The following PRDM5 variants were observed in gnomAD, a reference collection of about 807,000 sequenced individuals.
PRDM5 encodes PR domain zinc finger protein 5.
PRDM5 carries 56 observed loss-of-function variants against 81.2 expected under a neutral mutation model. The ratio of observed to expected loss-of-function variants is 0.69; its 90% confidence interval spans 0.56 to 0.86. The LOEUF is 0.86. Ranked by LOEUF, PRDM5 falls within the 40% of genes least tolerant of loss-of-function variation. The pLI is 0.00. For synonymous variants in PRDM5, 267 were observed against 256.4 expected (o/e 1.04, Z -0.39); for missense variants, 697 against 770.1 (o/e 0.91, Z 1.12).
At chr4:120,822,169 T>C (rs1044518205) in intron 3 of PRDM5, among the ~76,000 whole-genome samples, 1 of 152,196 alleles carries the variant, frequency 6.6e-6, no homozygotes, top group Non-Finnish European at 1.5e-5. Flanking sequence ...ATGCTGGGCC[T>C]TGGGCCAATC....
chr4:120,799,826 G>A (rs1035017162), intron 8 of PRDM5, 81 bp from the exon 9 acceptor site: 9 of 1,553,704 alleles, frequency 5.8e-6, no homozygotes, highest in South Asian at 1.2e-5. Flanking sequence ...GTGTAAACAT[G>A]TGAACAGCTG....
chr4:120,852,296 T>C (rs1265928422), intron 3 of PRDM5, among the ~76,000 whole-genome samples: 2 of 152,176 alleles, frequency 1.3e-5, no homozygotes. Context: ...GGGTCCCAGA[T>C]AGTTGGTCAA....
intron 2 of PRDM5, among the ~76,000 whole-genome samples, chr4:120,863,997 C>A (rs1760929479): frequency 6.6e-6 from 1 of 152,172 alleles, no homozygotes; most frequent in African/African-American, 2.4e-5. Flanking sequence ...GATATTCTAT[C>A]CTCCAACTAA....
chr4:120,896,509 T>C (rs1207106069), intron 2 of PRDM5: 3 of 152,156 alleles, frequency 2.0e-5, no homozygotes, highest in Non-Finnish European at 4.4e-5. Context: ...ACAGTACCTC[T>C]AAATTTGAAA....
chr4:120,822,060 C>T (rs923119674), intron 3 of PRDM5, among the ~76,000 whole-genome samples: 2 of 152,086 alleles, frequency 1.3e-5, no homozygotes, highest in African/African-American at 4.8e-5. Context: ...GAGGAAACCT[C>T]GACCAATAAC....
At chr4:120,904,212 A>AAAAAAAAAAAAAAAAAT (rs1765542034) in intron 2 of PRDM5, among the ~76,000 whole-genome samples, 1 of 148,950 alleles carries the variant, frequency 6.7e-6, no homozygotes, top group Non-Finnish European at 1.5e-5. Flanking sequence ...AAAACAAAAA[A>AAAAAAAAAAAAAAAAAT]ACCTCCTTCC....
downstream of PRDM5, among the ~76,000 whole-genome samples, chr4:120,691,199 G>A (rs893990004): frequency 6.6e-6 from 1 of 152,068 alleles, no homozygotes; most frequent in African/African-American, 2.4e-5. Context: ...TTACATTCCA[G>A]ACTATTTCCT....
chr4:120,769,426 C>T (rs866257872), intron 13 of PRDM5, among the ~76,000 whole-genome samples: 15 of 152,108 alleles, frequency 9.9e-5, no homozygotes, highest in South Asian at 4.1e-4. Flanking sequence ...GAAAGTAACA[C>T]GTAATTGGAG....
intron 3 of PRDM5, among the ~76,000 whole-genome samples, chr4:120,840,608 C>A (rs921018763): frequency 5.3e-5 from 8 of 152,080 alleles, no homozygotes; most frequent in African/African-American, 1.5e-4. Flanking sequence ...CCCTTCCCCC[C>A]ATGGGCAAGC....
At chr4:120,817,859 C>T (rs1404295945) in intron 5 of PRDM5, among the ~76,000 whole-genome samples, 2 of 152,188 alleles carry the variant, frequency 1.3e-5, no homozygotes, top group African/African-American at 4.8e-5. Context: ...GGGACCTATG[C>T]ATCTTTAAAT....
At chr4:120,844,372 C>T (rs6534216) in intron 3 of PRDM5, among the ~76,000 whole-genome samples, 48,483 of 152,036 alleles carry the variant, frequency 0.32, 7,968 homozygotes, top group African/African-American at 0.4. Context: ...TGAAGGACTA[C>T]GGCAACTCTA....
intron 2 of PRDM5, among the ~76,000 whole-genome samples, chr4:120,859,773 C>T (rs1419675588): frequency 6.6e-6 from 1 of 152,182 alleles, no homozygotes; most frequent in African/African-American, 2.4e-5. Flanking sequence ...GTTTTAATTT[C>T]TCTACCATCT....
rs4833677 is a variant in PRDM5 at position 120,799,805 on chromosome 4, C to G, written c.946-60G>C. ...TCAAAGCCTAGTAAATTACACAGCT[C>G]TCAAGCAAAAGTGTAAACATGTGAA... On this transcript the variant is annotated intron_variant, in intron 8 of 15. Transcript: ENST00000264808. 473,646 of 1,580,002 alleles carry G rather than the reference C, an allele frequency of 0.3. 73,773 individuals carry two copies. The highest frequency in any genetic ancestry group is 0.36 in the East Asian group (15,981 of 43,796).
At chr4:120,839,777 C>T (rs1174924365) in intron 3 of PRDM5, among the ~76,000 whole-genome samples, 1 of 152,144 alleles carries the variant, frequency 6.6e-6, no homozygotes, top group Admixed American at 6.5e-5. Context: ...GGTGCTTGTG[C>T]CAAGGGGCAC....
chr4:120,822,279 G>T (rs1028273957), intron 3 of PRDM5, among the ~76,000 whole-genome samples: 3 of 152,220 alleles, frequency 2.0e-5, no homozygotes, highest in African/African-American at 7.2e-5. Context: ...TTCTGGGAGG[G>T]TTCCTAGTGA....
At chr4:120,717,175 G>C (rs1305262804) in intron 14 of PRDM5, among the ~76,000 whole-genome samples, 2 of 152,042 alleles carry the variant, frequency 1.3e-5, no homozygotes, top group Admixed American at 6.6e-5. Flanking sequence ...GAATGATTAG[G>C]TTCTTGATTA....
chr4:120,823,420 A>T (rs1357709890), intron 3 of PRDM5, among the ~76,000 whole-genome samples: 1 of 152,178 alleles, frequency 6.6e-6, no homozygotes, highest in Non-Finnish European at 1.5e-5. Flanking sequence ...TTGCCAAAAA[A>T]TGTGATATAA....
intron 3 of PRDM5, among the ~76,000 whole-genome samples, chr4:120,824,603 T>G (rs1415822700): frequency 6.6e-6 from 1 of 152,254 alleles, no homozygotes; most frequent in Non-Finnish European, 1.5e-5. Flanking sequence ...ATTCATCTCT[T>G]GCCTATTGTT....
intron 15 of PRDM5, among the ~76,000 whole-genome samples, chr4:120,700,854 G>A (rs1735233390): frequency 6.6e-6 from 1 of 152,152 alleles, no homozygotes; most frequent in African/African-American, 2.4e-5. Flanking sequence ...GCCAGGCATG[G>A]TGGCTCACAT....
Sources: allele counts gnomAD v4.1 joint callset (sites outside exome capture counted in the v4.1 genomes callset), GRCh38; gene constraint gnomAD v4.1.1; transcripts MANE v1.5; gene names NCBI Gene and HGNC (gene_info 2026-07-23, HGNC 2026-07-21).